STPG4: variants seen among roughly 807,000 people sequenced by gnomAD.
STPG4 encodes the protein sperm-tail PG-rich repeat containing 4.
STPG4 carries 41 observed loss-of-function variants against 31.5 expected under a neutral mutation model. That is an observed-to-expected ratio of 1.30 (90% CI 1.01 to 1.69). The LOEUF (loss-of-function observed/expected upper bound fraction) is 1.69. Ranked by LOEUF, STPG4 falls within the 40% of genes most tolerant of loss-of-function variation. The pLI, the probability that STPG4 is intolerant of heterozygous loss-of-function variation, is 0.00. For synonymous variants in STPG4, 141 were observed against 103.0 expected, an observed-to-expected ratio of 1.37 and a Z score of -2.24; for missense variants, 375 against 293.4, an observed-to-expected ratio of 1.28 and a Z score of -2.03.
chr2:47,105,277 C>G (rs1411093363), intron 5 of STPG4, among the ~76,000 whole-genome samples: 1 of 151,924 alleles, frequency 6.6e-6, no homozygotes, highest in African/African-American at 2.4e-5. Context: ...AAAAGGCTGG[C>G]CTCGCTGTTT....
At chr2:47,135,362 G>C (rs1366927687) in intron 3 of STPG4, among the ~76,000 whole-genome samples, 2 of 152,158 alleles carry the variant, frequency 1.3e-5, no homozygotes, top group Non-Finnish European at 1.5e-5. Flanking sequence ...AAGGGTTTAA[G>C]GTCTGTGTCT....
At chr2:47,119,275 C>A (rs1686213724) in intron 5 of STPG4, among the ~76,000 whole-genome samples, 1 of 152,118 alleles carries the variant, frequency 6.6e-6, no homozygotes, top group Non-Finnish European at 1.5e-5. Context: ...TAAAAGTATT[C>A]TTTTTACTTT....
chr2:47,102,326 C>T (rs1319393548), intron 5 of STPG4, among the ~76,000 whole-genome samples: 1 of 151,848 alleles, frequency 6.6e-6, no homozygotes, highest in Non-Finnish European at 1.5e-5. Flanking sequence ...TCAACAGGCC[C>T]ACCCTTGAAA....
Position 47,141,226 on chromosome 2 carries a change from C to T in STPG4, c.399+10032G>A, listed in dbSNP as rs542867334. ...ATAGAAATTTCTTTAAGTGTCTCTT[C>T]TCTCTCAGAAGTAAAGCCTCTTGTG... is the stretch of plus-strand genomic sequence containing the variant. On this transcript the variant is annotated intron_variant, in intron 3 of 6. Coordinates refer to ENST00000445927, the MANE Select transcript of STPG4 (RefSeq NM_001163561.2). Among the ~76,000 whole-genome samples, 13 of 151,910 alleles carry T rather than the reference C, an allele frequency of 8.6e-5. 1 individual carries two copies. The South Asian group carries it at 2.1e-3, about 24-fold the overall frequency.
intron 5 of STPG4, 32 bp from the exon 6 acceptor site, chr2:47,090,406 T>C (rs1685547625): frequency 7.5e-7 from 1 of 1,335,970 alleles, no homozygotes; most frequent in Non-Finnish European, 1.1e-6. Flanking sequence ...GCTTCATTAT[T>C]ATTGTACATT....
chr2:47,095,185 T>C (rs1158039899), intron 5 of STPG4, among the ~76,000 whole-genome samples: 1 of 152,208 alleles, frequency 6.6e-6, no homozygotes, highest in Non-Finnish European at 1.5e-5. Flanking sequence ...GTCTTATGAA[T>C]TTGGAGTTCC....
intron 5 of STPG4, among the ~76,000 whole-genome samples, chr2:47,124,921 C>T (rs1353918908): frequency 6.6e-6 from 1 of 152,120 alleles, no homozygotes; most frequent in Admixed American, 6.5e-5. Context: ...TCCACATCCT[C>T]GCCAGCATTC....
At chr2:47,116,309 C>T (rs949387239) in intron 5 of STPG4, among the ~76,000 whole-genome samples, 4 of 152,182 alleles carry the variant, frequency 2.6e-5, no homozygotes, top group Non-Finnish European at 4.4e-5. Context: ...CACAAAATAG[C>T]GGTTTATCCC....
At chr2:47,145,399 G>C (rs371020077) in intron 3 of STPG4, among the ~76,000 whole-genome samples, 1 of 152,166 alleles carries the variant, frequency 6.6e-6, no homozygotes. Flanking sequence ...GAAGAAACCC[G>C]TCCCTGAGAG....
At chr2:47,149,128 A>G (rs1453985444) in intron 3 of STPG4, among the ~76,000 whole-genome samples, 2 of 152,202 alleles carry the variant, frequency 1.3e-5, no homozygotes, top group African/African-American at 4.8e-5. Flanking sequence ...GAAATAGAAA[A>G]TTAGAAAAAC....
intron 5 of STPG4, among the ~76,000 whole-genome samples, chr2:47,101,249 C>T (rs867052178): frequency 5.3e-5 from 8 of 151,868 alleles, no homozygotes; most frequent in Middle Eastern, 6.8e-3. Flanking sequence ...TAACAACCCC[C>T]GACTCTTCAG....
chr2:47,154,541 G>C (rs997203451), intron 1 of STPG4, among the ~76,000 whole-genome samples: 1 of 152,208 alleles, frequency 6.6e-6, no homozygotes, highest in Non-Finnish European at 1.5e-5. Context: ...TAAAAGATTA[G>C]GTTAAACAAC....
rs927395417 is a variant in STPG4 at position 47,105,719 on chromosome 2, C to A, written c.520-15345G>T. ...ATACTTGAAAGCAAGCCTCTTCCCCCAGGGACCAGTGCCCAGTTAGCAGAA... is the reference window on the plus strand; with the variant it reads ...ATACTTGAAAGCAAGCCTCTTCCCCAAGGGACCAGTGCCCAGTTAGCAGAA... On this transcript the variant is annotated intron_variant, in intron 5 of 6. Transcript: ENST00000445927. Among the ~76,000 whole-genome samples the A allele has an allele frequency of 6.6e-5, 10 of 152,136 alleles. No individual in the cohort carries two copies. In the East Asian group the frequency reaches 1.9e-3, roughly 29 times the overall value.
chr2:47,144,290 T>C (rs1222503126), intron 3 of STPG4, among the ~76,000 whole-genome samples: 3 of 152,234 alleles, frequency 2.0e-5, no homozygotes, highest in Non-Finnish European at 4.4e-5. Context: ...GACTTCAACA[T>C]ATCCTTTCCT....
At chr2:47,134,294 G>A (rs183642536) in intron 3 of STPG4, among the ~76,000 whole-genome samples, 15 of 152,264 alleles carry the variant, frequency 9.9e-5, no homozygotes, top group Middle Eastern at 3.4e-3. Flanking sequence ...GCAATGACAT[G>A]TATCCACTAT....
At position 47,090,259 on chromosome 2, in the gene STPG4, C is replaced by T. The variant is rs767563593; in HGVS notation, c.624+11G>A. ...AGGGGTGGGGGGCGATCTGTCTTTC[C>T]GAATACTTACTGAACAGCTGGGCAA... is the stretch of plus-strand genomic sequence containing the variant. On this transcript the variant is annotated intron_variant, in intron 6 of 6. Transcript: ENST00000445927. 75 of 1,542,710 alleles carry T rather than the reference C, an allele frequency of 4.9e-5. No individual in the cohort carries two copies. Among genetic ancestry groups the T allele is most frequent in the South Asian group, 2.0e-4 (17 of 83,838 alleles).
intron 5 of STPG4, among the ~76,000 whole-genome samples, chr2:47,127,367 C>T (rs1686387370): frequency 6.9e-6 from 1 of 144,644 alleles, no homozygotes; most frequent in South Asian, 2.2e-4. Context: ...CTCCCAGGTT[C>T]AAGCGATTCT....
At chr2:47,142,635 T>C (rs1686738141) in intron 3 of STPG4, among the ~76,000 whole-genome samples, 1 of 152,076 alleles carries the variant, frequency 6.6e-6, no homozygotes, top group Non-Finnish European at 1.5e-5. Flanking sequence ...AACCTCTACT[T>C]TCCAAATGGA....
At chr2:47,141,914 T>C (rs1042790183) in intron 3 of STPG4, among the ~76,000 whole-genome samples, 15 of 147,524 alleles carry the variant, frequency 1.0e-4, no homozygotes, top group Non-Finnish European at 1.8e-4. Context: ...GGATGCTGTG[T>C]GGCTACTGAA....
Sources: allele counts gnomAD v4.1 joint callset (sites outside exome capture counted in the v4.1 genomes callset), GRCh38; gene constraint gnomAD v4.1.1; transcripts MANE v1.5; gene names NCBI Gene and HGNC (gene_info 2026-07-23, HGNC 2026-07-21).